Variants in PIEZO2 observed in about 807,000 individuals in gnomAD.
The protein encoded by PIEZO2 is piezo type mechanosensitive ion channel component 2.
In PIEZO2, 172 loss-of-function variants were observed where a neutral mutation model predicts 337.3. The ratio of observed to expected loss-of-function variants is 0.51; its 90% CI spans 0.45 to 0.58. The LOEUF is 0.58. Among genes scored for constraint, PIEZO2 ranks in the 20% least tolerant of loss-of-function variants. PIEZO2 has a pLI of 0.00. For missense variants in PIEZO2, 3,028 were observed against 3,391.3 expected (o/e 0.89, Z 2.66); for synonymous variants, 1,251 against 1,228.5 (o/e 1.02, Z -0.38).
At chr18:10,864,400 A>T (rs1435797729) in intron 5 of PIEZO2, among the ~76,000 whole-genome samples, 1 of 152,210 alleles carries the variant, frequency 6.6e-6, no homozygotes, top group East Asian at 1.9e-4. Flanking sequence ...AATTGAGAAT[A>T]TAAGGTCCTA....
rs264217 is a variant in PIEZO2, at chr18:10,888,497, A to G, written c.330-17082T>C. On this transcript the variant is annotated intron_variant, in intron 4 of 55. Coordinates refer to ENST00000674853, the MANE Select transcript of PIEZO2 (RefSeq NM_001378183.1). The surrounding 1 kb of genome is among the most constrained non-coding windows in gnomAD (Gnocchi z 4.1). ...GTATTCAGAGCTGGGCACTTGGAGT[A>G]GCATTGTTACGGGGGCGACATTGCT... is the stretch of plus-strand genomic sequence containing the variant. Among the ~76,000 whole-genome samples the G allele has an allele frequency of 0.74, 112,384 of 152,030 alleles. 42,167 individuals are homozygous for G. Among genetic ancestry groups the G allele is most frequent in the African/African-American group, 0.88 (36,397 of 41,506 alleles).
intron 42 of PIEZO2, among the ~76,000 whole-genome samples, chr18:10,703,020 GTTTT>G (rs907642549): frequency 7.2e-5 from 11 of 152,140 alleles, no homozygotes; most frequent in African/African-American, 2.2e-4. Context: ...CCTGGCTAAT[GTTTT>G]TTATTTTTTT....
rs8089871 is a variant in PIEZO2 at position 11,069,858 on chromosome 18, G to A, written c.65-3636C>T. Among the ~76,000 whole-genome samples, 116,548 of 152,110 alleles carry A rather than the reference G, an allele frequency of 0.77. 45,750 individuals carry two copies. Among genetic ancestry groups the A allele is most frequent in the East Asian group, 0.99 (5,142 of 5,188 alleles). The stretch of plus-strand genomic sequence containing the variant: ...ACAAAATCAACACAAGAAAATCAGT[G>A]GTATTTGCTATATGCTAACAATGAA... On this transcript the variant is annotated intron_variant, in intron 1 of 55. Coordinates refer to ENST00000674853, the MANE Select transcript of PIEZO2 (RefSeq NM_001378183.1). This position sits in a 1 kb window ranked among gnomAD's most constrained non-coding sequence, Gnocchi z 4.9.
At chr18:10,838,285 T>A (rs912349154) in intron 7 of PIEZO2, among the ~76,000 whole-genome samples, 5 of 152,224 alleles carry the variant, frequency 3.3e-5, no homozygotes, top group Admixed American at 1.3e-4. Context: ...ATCTTTTTTT[T>A]ATTGGTTTCT....
At position 10,903,192 on chromosome 18, in the gene PIEZO2, A is replaced by G. The variant is rs1395213970; in HGVS notation, c.329+7994T>C. ...CGTTTGGCATACATCTGCATGTCAC[A>G]CTCACACTGTCCCTATCTTGGTCGA... On this transcript the variant is annotated intron_variant, in intron 4 of 55. Coordinates refer to ENST00000674853, the MANE Select transcript of PIEZO2 (RefSeq NM_001378183.1). The surrounding 1 kb of genome is among the most constrained non-coding windows in gnomAD (Gnocchi z 4.1). Among the ~76,000 whole-genome samples, 1 of 152,094 alleles carries G rather than the reference A, an allele frequency of 6.6e-6. No individual in the cohort carries two copies. The highest frequency in any genetic ancestry group is 2.4e-5 in the African/African-American group (1 of 41,396).
intron 7 of PIEZO2, among the ~76,000 whole-genome samples, chr18:10,811,439 G>C (rs2040187012): frequency 6.6e-6 from 1 of 152,128 alleles, no homozygotes; most frequent in Admixed American, 6.6e-5. Flanking sequence ...TTTTTTAACT[G>C]AATTAAATAC....
intron 2 of PIEZO2, among the ~76,000 whole-genome samples, chr18:11,055,406 C>T (rs890914126): frequency 6.6e-6 from 1 of 152,000 alleles, no homozygotes; most frequent in Non-Finnish European, 1.5e-5. Flanking sequence ...AAAACCTGCT[C>T]ATAACATGAA....
intron 48 of PIEZO2, among the ~76,000 whole-genome samples, chr18:10,690,127 C>A (rs918901870): frequency 6.6e-6 from 1 of 152,164 alleles, no homozygotes; most frequent in African/African-American, 2.4e-5. Flanking sequence ...CTTGGCCATG[C>A]GGTGCTGAAT....
chr18:10,672,734 A>T lies in PIEZO2; in HGVS notation c.8301T>A (p.Asn2767Lys). The change falls in exon 55 of 56, where the codon AAT becomes AAA. Residue 2767 changes from asparagine (N) to lysine (K), a missense_variant. Asn to Lys is a moderately conservative substitution (Grantham distance 94, BLOSUM62 0). Transcript: ENST00000674853. The surrounding 1 kb of genome is among the most constrained non-coding windows in gnomAD (Gnocchi z 4.7). ...CCAGACTTGGGGGACTGACTTTGTC[A>T]TTGAAGACCACCAGTTCCAGGGCCT... ...NSQALELVVFNDKVSPPSLGF... is the reference protein window; with the variant it reads ...NSQALELVVFKDKVSPPSLGF... 6.2e-7 allele frequency: 1 copy of T among 1,614,114 alleles called. No individual in the cohort carries two copies. The highest frequency in any genetic ancestry group is 8.5e-7 in the Non-Finnish European group (1 of 1,179,984).
rs546403294 is a variant in PIEZO2 at position 10,841,480 on chromosome 18, T to G, written c.917+13873A>C. The stretch of plus-strand genomic sequence containing the variant: ...CTCATCATGTACAAGAGATCCTCAA[T>G]AAGATTATAAACTAATTTCTCAGCA... On this transcript the variant is annotated intron_variant, in intron 7 of 55. Transcript: ENST00000674853. Among the ~76,000 whole-genome samples, 137 of 152,214 alleles carry G rather than the reference T, an allele frequency of 9.0e-4. 1 individual carries two copies. The highest frequency in any genetic ancestry group is 3.2e-3 in the African/African-American group (133 of 41,526).
intron 3 of PIEZO2, among the ~76,000 whole-genome samples, chr18:10,936,243 T>C (rs188406648): frequency 1.3e-5 from 2 of 152,296 alleles, no homozygotes; most frequent in East Asian, 3.9e-4. Flanking sequence ...GTCAGCATAG[T>C]TTTAGCATCT....
At position 11,003,815 on chromosome 18, in the gene PIEZO2, G is replaced by A. The variant is rs1598812701; in HGVS notation, c.161-24155C>T. On this transcript the variant is annotated intron_variant, in intron 2 of 55. Transcript: ENST00000674853. The surrounding 1 kb of genome is among the most constrained non-coding windows in gnomAD (Gnocchi z 4.6). ...GGGAGAACAAGCAAACTCCACATGG[G>A]GGTGGACCTGGAAACAAAGTGATTT... 6.6e-6 allele frequency among the ~76,000 whole-genome samples: 1 copy of A among 152,278 alleles called. No individual in the cohort carries two copies. The highest frequency in any genetic ancestry group is 3.4e-3 in the Middle Eastern group (1 of 294).
chr18:10,752,598 G>A (rs375150278), intron 28 of PIEZO2, 38 bp downstream of exon 28: 63 of 1,530,604 alleles, frequency 4.1e-5, no homozygotes, highest in East Asian at 9.8e-5. Context: ...ACTCTTACAC[G>A]AAAACCGCAA....
Position 10,808,586 on chromosome 18 carries a change from TTTC to T in PIEZO2, c.918-1315_918-1313del, listed in dbSNP as rs2040073567. The stretch of plus-strand genomic sequence containing the variant: ...TAAGCTAAATAGATATTAAACTAAC[TTTC>T]TTCATTTTTATCAGAAATAAATAAG... On this transcript the variant is annotated intron_variant, in intron 7 of 55. Transcript: ENST00000674853. 2.0e-5 allele frequency among the ~76,000 whole-genome samples: 3 copies of T among 152,234 alleles called. No homozygotes were observed. The South Asian group carries it at 6.2e-4, about 32-fold the overall frequency.
chr18:10,854,068 A>ATT lies in PIEZO2; in HGVS notation c.917+1283_917+1284dup, dbSNP rs992836171. 2.0e-5 allele frequency among the ~76,000 whole-genome samples: 3 copies of ATT among 150,146 alleles called. No homozygotes were observed. The highest frequency in any genetic ancestry group is 7.3e-5 in the African/African-American group (3 of 40,906). Reference sequence around the variant, plus strand: ...CTATGCAGGCCTCTTTTCCATGCTGATTTTTTTTTTAAAGACCCATTCATT... The same window carrying ATT: ...CTATGCAGGCCTCTTTTCCATGCTGATTTTTTTTTTTTAAAGACCCATTCATT... On this transcript the variant is annotated intron_variant, in intron 7 of 55. Transcript: ENST00000674853. The surrounding 1 kb of genome is among the most constrained non-coding windows in gnomAD (Gnocchi z 4.6).
rs546963780 is a variant in PIEZO2, at chr18:10,817,144, G to A, written c.918-9870C>T. On this transcript the variant is annotated intron_variant, in intron 7 of 55. Coordinates refer to ENST00000674853, the MANE Select transcript of PIEZO2 (RefSeq NM_001378183.1). ...GGAAGCATTGAGTTAAAGTCAGTTG[G>A]AAAGTTCTTTTCTCTTATTAGTAGA... Among the ~76,000 whole-genome samples, 202 of 152,258 alleles carry A rather than the reference G, an allele frequency of 1.3e-3. 1 individual carries two copies. Among genetic ancestry groups the A allele is most frequent in the African/African-American group, 4.5e-3 (188 of 41,542 alleles).
At chr18:11,056,518 G>A (rs1453075961) in intron 2 of PIEZO2, among the ~76,000 whole-genome samples, 1 of 152,186 alleles carries the variant, frequency 6.6e-6, no homozygotes, top group Non-Finnish European at 1.5e-5. Flanking sequence ...CAGTAGGTGA[G>A]GCCCCAACCA....
chr18:10,875,921 G>T (rs1416532409), intron 4 of PIEZO2, among the ~76,000 whole-genome samples: 1 of 152,224 alleles, frequency 6.6e-6, no homozygotes, highest in East Asian at 1.9e-4. Context: ...ACTGAATCCA[G>T]AATTGGGCTG....
chr18:10,682,103 C>G lies in PIEZO2; in HGVS notation c.7686+1G>C, dbSNP rs1454800167. On this transcript the variant is annotated splice_donor_variant, in intron 50 of 55. Transcript: ENST00000674853. LOFTEE classifies it high-confidence loss of function. The surrounding 1 kb of genome is among the most constrained non-coding windows in gnomAD (Gnocchi z 5.6). Reference sequence around the variant, plus strand: ...GTAGGTGGGGTGTGCACAGAGATCACCTGATACCCTCCCAGGGTAATTGTG... The same window carrying G: ...GTAGGTGGGGTGTGCACAGAGATCAGCTGATACCCTCCCAGGGTAATTGTG... 6.5e-7 allele frequency: 1 copy of G among 1,534,730 alleles called. No individual in the cohort carries two copies. The highest frequency in any genetic ancestry group is 2.4e-5 in the East Asian group (1 of 40,914).
Sources: allele counts gnomAD v4.1 joint callset (sites outside exome capture counted in the v4.1 genomes callset), GRCh38; gene constraint gnomAD v4.1.1; non-coding constraint Gnocchi (gnomAD v3.1); transcripts MANE v1.5; gene names NCBI Gene and HGNC (gene_info 2026-07-23, HGNC 2026-07-21).